Variants in KCND2 observed in about 807,000 individuals in gnomAD.
KCND2 encodes the protein A-type voltage-gated potassium channel KCND2.
A neutral mutation model predicts 54.4 loss-of-function variants in KCND2; 16 were observed. The ratio of observed to expected loss-of-function variants is 0.29; its 90% CI spans 0.20 to 0.45. The LOEUF (loss-of-function observed/expected upper bound fraction) is 0.45. Ranked by LOEUF, KCND2 falls within the 20% of genes least tolerant of loss-of-function variation. The probability of loss-of-function intolerance (pLI) is 1.00; values close to 1 mark genes in which losing one functional copy is unlikely to be tolerated. For missense variants in KCND2, 486 were observed against 824.2 expected (o/e 0.59, Z 5.02); for synonymous variants, 317 against 310.7 (o/e 1.02, Z -0.21).
chr7:120,332,239 AC>A (rs1272689713), intron 1 of KCND2, among the ~76,000 whole-genome samples: 1 of 152,080 alleles, frequency 6.6e-6, no homozygotes, highest in East Asian at 1.9e-4. Context: ...CAATTATTAC[AC>A]CTTAAAAGAC....
rs117138193 is a variant in KCND2 at position 120,541,125 on chromosome 7, G to A, written c.1116-191778G>A. Among the ~76,000 whole-genome samples, 322 of 152,204 alleles carry A rather than the reference G, an allele frequency of 2.1e-3. 5 individuals are homozygous for A. In the East Asian group the frequency reaches 0.055, roughly 26 times the overall value. ...TGAAAAAATAGTAGAAAAATACACA[G>A]TCATAAAATAGTCCCTGTTATTAGA... On this transcript the variant is annotated intron_variant, in intron 1 of 5. Coordinates refer to ENST00000331113, the MANE Select transcript of KCND2 (RefSeq NM_012281.3).
chr7:120,290,980 A>G (rs561260461), intron 1 of KCND2, among the ~76,000 whole-genome samples: 2 of 152,136 alleles, frequency 1.3e-5, no homozygotes, highest in Admixed American at 6.6e-5. Flanking sequence ...TTTGGCACTC[A>G]TATCTTTTGA....
chr7:120,331,696 A>T (rs1394647834), intron 1 of KCND2, among the ~76,000 whole-genome samples: 1 of 152,050 alleles, frequency 6.6e-6, no homozygotes, highest in African/African-American at 2.4e-5. Context: ...CTATACTTTT[A>T]ATTTATCTTC....
At chr7:120,725,788 T>A (rs1792726521) in intron 1 of KCND2, among the ~76,000 whole-genome samples, 1 of 152,182 alleles carries the variant, frequency 6.6e-6, no homozygotes. Flanking sequence ...TTTTAAACAT[T>A]ATTTGGGCTA....
At chr7:120,648,587 A>G (rs1354449741) in intron 1 of KCND2, among the ~76,000 whole-genome samples, 2 of 152,216 alleles carry the variant, frequency 1.3e-5, no homozygotes, top group Non-Finnish European at 1.5e-5. Context: ...AGTGAAAAGG[A>G]TGCCTCTGTG....
intron 1 of KCND2, among the ~76,000 whole-genome samples, chr7:120,579,171 A>G (rs533316157): frequency 1.3e-5 from 2 of 152,298 alleles, no homozygotes; most frequent in Admixed American, 6.5e-5. Flanking sequence ...GGATAGAGAT[A>G]AAATTGGGCA....
chr7:120,651,379 A>G (rs1791730596), intron 1 of KCND2, among the ~76,000 whole-genome samples: 1 of 152,108 alleles, frequency 6.6e-6, no homozygotes, highest in African/African-American at 2.4e-5. Flanking sequence ...TGTGCCAGCA[A>G]TGAGTGAGGC....
chr7:120,315,867 A>T (rs1012466438), intron 1 of KCND2, among the ~76,000 whole-genome samples: 1 of 151,636 alleles, frequency 6.6e-6, no homozygotes, highest in Non-Finnish European at 1.5e-5. Context: ...AATTTGATCC[A>T]TTGAAAACTG....
At chr7:120,451,497 T>C (rs2116218186) in intron 1 of KCND2, among the ~76,000 whole-genome samples, 1 of 152,314 alleles carries the variant, frequency 6.6e-6, no homozygotes, top group Admixed American at 6.5e-5. Flanking sequence ...ATATATACTA[T>C]AGGACAGGCA....
At chr7:120,743,301 C>T (rs1792964503) in intron 4 of KCND2, among the ~76,000 whole-genome samples, 1 of 152,120 alleles carries the variant, frequency 6.6e-6, no homozygotes, top group South Asian at 2.1e-4. Flanking sequence ...CACTCACTCT[C>T]GGGTGACACA....
At chr7:120,538,087 G>A (rs1791933807) in intron 1 of KCND2, among the ~76,000 whole-genome samples, 1 of 152,102 alleles carries the variant, frequency 6.6e-6, no homozygotes, top group South Asian at 2.1e-4. Flanking sequence ...CTAGCTTTTG[G>A]TTTAAAGTGA....
intron 1 of KCND2, among the ~76,000 whole-genome samples, chr7:120,697,481 T>G (rs1284801970): frequency 1.3e-5 from 2 of 152,216 alleles, no homozygotes; most frequent in East Asian, 3.8e-4. Context: ...CCTAGTCTGA[T>G]ATGCTAAACA....
intron 1 of KCND2, among the ~76,000 whole-genome samples, chr7:120,511,958 T>C (rs950899335): frequency 6.6e-6 from 1 of 152,116 alleles, no homozygotes; most frequent in Non-Finnish European, 1.5e-5. Flanking sequence ...CCAGTTATGC[T>C]TCCTTTTCAT....
chr7:120,475,227 TATTTA>T (rs1226304538), intron 1 of KCND2, among the ~76,000 whole-genome samples: 3 of 152,246 alleles, frequency 2.0e-5, no homozygotes, highest in African/African-American at 2.4e-5. Flanking sequence ...TATTTCTCAC[TATTTA>T]ATTTAGTTCT....
chr7:120,284,450 A>G (rs1799311181), intron 1 of KCND2, among the ~76,000 whole-genome samples: 1 of 152,168 alleles, frequency 6.6e-6, no homozygotes, highest in Non-Finnish European at 1.5e-5. Context: ...CAAACTTATG[A>G]AAATATGTCT....
intron 1 of KCND2, among the ~76,000 whole-genome samples, chr7:120,464,374 G>A (rs1406733152): frequency 6.6e-6 from 1 of 152,114 alleles, no homozygotes; most frequent in African/African-American, 2.4e-5. Context: ...GGGCTTAAAA[G>A]CTAATGGTTG....
chr7:120,320,072 T>C (rs1372222843), intron 1 of KCND2, among the ~76,000 whole-genome samples: 1 of 152,132 alleles, frequency 6.6e-6, no homozygotes, highest in Non-Finnish European at 1.5e-5. Context: ...TGAGTGGTCC[T>C]GTTTCATCTT....
chr7:120,616,217 TACTA>T lies in KCND2; in HGVS notation c.1116-116681_1116-116678del, dbSNP rs1482256354. Among the ~76,000 whole-genome samples the T allele has an allele frequency of 9.2e-5, 14 of 152,326 alleles. No homozygotes were observed. In the Middle Eastern group the frequency reaches 0.017, roughly 185 times the overall value. On this transcript the variant is annotated intron_variant, in intron 1 of 5. Transcript: ENST00000331113. ...CTGTATTAAAATTCTATTTGCCATT[TACTA>T]ACTATGTAATCTAAGGAAAAATCAT... is the stretch of plus-strand genomic sequence containing the variant.
rs1793026328 is a variant in KCND2, at chr7:120,747,896, G to A, written c.*38G>A. The A allele has an allele frequency of 6.8e-7, 1 of 1,471,036 alleles. No homozygotes were observed. The highest frequency in any genetic ancestry group is 1.7e-5 in the Admixed American group (1 of 57,580). 91.1% of individuals were successfully genotyped at this position (1,471,036 alleles called of 1,614,324 possible). A position where few individuals can be genotyped will look rare whatever the true frequency, so the allele number is the denominator to read the frequency against. On this transcript the variant is annotated 3_prime_UTR_variant, in exon 6 of 6. Transcript: ENST00000331113. ...AAGGTCTAAGAGAATTCGAGCCCTG[G>A]CTGTGAAAAGAATCTCAACATAGAA...
Sources: gnomAD v4.1 joint callset for allele counts (sites outside exome capture counted in the v4.1 genomes callset) on GRCh38, gnomAD v4.1.1 for gene constraint, MANE v1.5 for transcripts, NCBI Gene and HGNC (gene_info 2026-07-23, HGNC 2026-07-21) for gene names.